The following FARP1 variants were observed in gnomAD, a reference collection of about 807,000 sequenced individuals.
FARP1 encodes FERM, ARHGEF and pleckstrin domain-containing protein 1.
Under a neutral mutation model 128.8 loss-of-function variants are expected in FARP1, and 52 were observed. The ratio of observed to expected loss-of-function variants is 0.40; its 90% CI spans 0.32 to 0.51. The LOEUF is 0.51. FARP1 is among the 20% of genes least tolerant of loss of function. The pLI is 0.45. For synonymous variants in FARP1, 580 were observed against 551.8 expected (o/e 1.05, Z -0.72); for missense variants, 1,333 against 1,367.9 (o/e 0.97, Z 0.40).
At chr13:98,410,854 A>T in intron 15 of FARP1, 31 bp downstream of exon 15, 1 of 1,153,772 alleles carries the variant, frequency 8.7e-7, no homozygotes, top group Non-Finnish European at 1.3e-6. Context: ...AAAGCATTCG[A>T]TTACATGATT....
intron 9 of FARP1, among the ~76,000 whole-genome samples, chr13:98,388,688 C>T (rs982765659): frequency 4.6e-5 from 7 of 152,116 alleles, no homozygotes; most frequent in African/African-American, 7.2e-5. Flanking sequence ...AAACAGAGAG[C>T]GTAAAGGAGG....
intron 1 of FARP1, among the ~76,000 whole-genome samples, chr13:98,187,735 A>T (rs772961843): frequency 6.6e-6 from 1 of 152,212 alleles, no homozygotes; most frequent in Non-Finnish European, 1.5e-5. Flanking sequence ...GCTGGAGACT[A>T]TAGCTGCAGA....
At chr13:98,352,797 G>C (rs1277567895) in intron 3 of FARP1, among the ~76,000 whole-genome samples, 1 of 152,166 alleles carries the variant, frequency 6.6e-6, no homozygotes, top group Non-Finnish European at 1.5e-5. Context: ...GAATAGTACT[G>C]TGAGTGTGCA....
At chr13:98,315,049 C>T (rs1466083175) in intron 2 of FARP1, among the ~76,000 whole-genome samples, 4 of 152,190 alleles carry the variant, frequency 2.6e-5, no homozygotes, top group Non-Finnish European at 4.4e-5. Flanking sequence ...GACAGCGCTC[C>T]CAGGGCTCCT....
At chr13:98,417,474 AAAAAAAAAAAG>A (rs1891428815) in intron 16 of FARP1, among the ~76,000 whole-genome samples, 1 of 144,798 alleles carries the variant, frequency 6.9e-6, no homozygotes, top group African/African-American at 2.7e-5. Context: ...AAAAAAAAAA[AAAAAAAAAAAG>A]AACACATGGG....
intron 2 of FARP1, among the ~76,000 whole-genome samples, chr13:98,216,937 A>C (rs1476825605): frequency 6.6e-6 from 1 of 152,206 alleles, no homozygotes; most frequent in East Asian, 1.9e-4. Context: ...CCTGTGGTTT[A>C]TGATATATGC....
intron 6 of FARP1, chr13:98,384,478 C>G (rs1418039308): frequency 3.1e-5 from 16 of 516,184 alleles, no homozygotes; most frequent in Non-Finnish European, 4.2e-5. Context: ...CAGGCATGAG[C>G]TACTGTGCCT....
chr13:98,173,386 G>T (rs1331719307), intron 1 of FARP1, among the ~76,000 whole-genome samples: 1 of 152,128 alleles, frequency 6.6e-6, no homozygotes, highest in East Asian at 1.9e-4. Flanking sequence ...ATCAATCTGG[G>T]TACAGTGTTT....
At chr13:98,248,837 T>C (rs1247199966) in intron 2 of FARP1, among the ~76,000 whole-genome samples, 1 of 152,004 alleles carries the variant, frequency 6.6e-6, no homozygotes, top group East Asian at 1.9e-4. Context: ...GATTTCACTG[T>C]TTAAAATGGC....
Position 98,446,080 on chromosome 13 carries a change from G to T in FARP1, c.2797-18G>T. On this transcript the variant is annotated intron_variant, in intron 24 of 26. Coordinates refer to ENST00000319562, the MANE Select transcript of FARP1 (RefSeq NM_005766.4). ...GCAGGTGCCCGCTGTGCTTCTCACA[G>T]GCCTCCTTGCCTTTCAGAATCAGTT... The T allele has an allele frequency of 6.3e-7, 1 of 1,575,118 alleles. No individual in the cohort carries two copies. Among genetic ancestry groups the T allele is most frequent in the Non-Finnish European group, 8.7e-7 (1 of 1,144,674 alleles).
chr13:98,322,455 C>T (rs150640954), intron 2 of FARP1, among the ~76,000 whole-genome samples: 25 of 152,334 alleles, frequency 1.6e-4, no homozygotes, highest in Non-Finnish European at 2.6e-4. Context: ...CAGCCCAAAT[C>T]CACATGCTTC....
intron 2 of FARP1, among the ~76,000 whole-genome samples, chr13:98,215,799 T>C (rs1195878422): frequency 3.4e-5 from 5 of 149,212 alleles, no homozygotes; most frequent in Non-Finnish European, 7.5e-5. Flanking sequence ...CTTTTTCTCT[T>C]TTTTTTTTTT....
intron 1 of FARP1, among the ~76,000 whole-genome samples, chr13:98,152,994 G>A (rs1036581692): frequency 6.6e-6 from 1 of 152,008 alleles, no homozygotes; most frequent in Non-Finnish European, 1.5e-5. Flanking sequence ...TGATGGAAAT[G>A]CCAGCCATTT....
chr13:98,367,441 G>T (rs2076049911), intron 4 of FARP1, among the ~76,000 whole-genome samples: 1 of 151,284 alleles, frequency 6.6e-6, no homozygotes, highest in South Asian at 2.1e-4. Flanking sequence ...GAGCCACCGC[G>T]CCTGGCCACA....
intron 1 of FARP1, among the ~76,000 whole-genome samples, chr13:98,146,380 C>T (rs1241130915): frequency 3.9e-5 from 6 of 152,198 alleles, no homozygotes; most frequent in Admixed American, 2.0e-4. Flanking sequence ...AGGCATTTGC[C>T]GCCATGCCCA....
At chr13:98,396,085 C>G (rs1395570729) in intron 13 of FARP1, 1 of 399,014 alleles carries the variant, frequency 2.5e-6, no homozygotes, top group African/African-American at 2.1e-5. Flanking sequence ...GACAGATCCA[C>G]TCATCCTTAG....
chr13:98,350,284 T>G (rs1212643111), intron 3 of FARP1, among the ~76,000 whole-genome samples: 1 of 152,114 alleles, frequency 6.6e-6, no homozygotes, highest in African/African-American at 2.4e-5. Flanking sequence ...AATAACTGAT[T>G]TTGGGGCTTT....
rs1165693559 is a variant in FARP1, at chr13:98,271,793, C to T, written c.171+58380C>T. Among the ~76,000 whole-genome samples, 4 of 152,146 alleles carry T rather than the reference C, an allele frequency of 2.6e-5. No individual in the cohort carries two copies. The East Asian group carries it at 7.7e-4, about 29-fold the overall frequency. ...TTATGGTGTATATGTGCCACATTTT[C>T]TTTATCTAATCTATCACTGATTTGA... On this transcript the variant is annotated intron_variant, in intron 2 of 26. Coordinates refer to ENST00000319562, the MANE Select transcript of FARP1 (RefSeq NM_005766.4).
chr13:98,153,519 T>TTA lies in FARP1; in HGVS notation c.-24+10037_-24+10038dup, dbSNP rs367955830. On this transcript the variant is annotated intron_variant, in intron 1 of 26. Transcript: ENST00000319562. ...TATAAAAATATGTATAAATATATAT[T>TTA]TATATATATATTATATATAAATATG... Among the ~76,000 whole-genome samples, 20 of 21,144 alleles carry TTA rather than the reference T, an allele frequency of 9.5e-4. No individual in the cohort carries two copies. In the South Asian group the frequency reaches 0.033, roughly 35 times the overall value. The allele number at this position is 21,144 out of a possible 152,430, so 13.9% of individuals were successfully genotyped here. A position where few individuals can be genotyped will look rare whatever the true frequency, so the allele number is the denominator to read the frequency against.
Sources: gnomAD v4.1 joint callset for allele counts (sites outside exome capture counted in the v4.1 genomes callset) on GRCh38, gnomAD v4.1.1 for gene constraint, MANE v1.5 for transcripts, NCBI Gene and HGNC (gene_info 2026-07-23, HGNC 2026-07-21) for gene names.